Variants in VAV1 observed in about 807,000 individuals in gnomAD.
VAV1 encodes the protein proto-oncogene vav.
In VAV1, 33 loss-of-function variants were observed where a neutral mutation model predicts 128.1. That is an observed-to-expected ratio of 0.26 (90% CI 0.20 to 0.34). The LOEUF (loss-of-function observed/expected upper bound fraction) is 0.34, where lower values mean the gene tolerates loss of function less well. VAV1 is among the 10% of genes least tolerant of loss of function. VAV1 has a pLI of 1.00. For synonymous variants in VAV1, 394 were observed against 409.8 expected (o/e 0.96, Z 0.47); for missense variants, 715 against 1,093.7 (o/e 0.65, Z 4.88).
intron 1 of VAV1, among the ~76,000 whole-genome samples, chr19:6,774,911 T>C (rs912830501): frequency 1.4e-5 from 2 of 146,930 alleles, no homozygotes; most frequent in Admixed American, 6.8e-5. Context: ...CACATCACCA[T>C]GCCTGCCTAA....
At chr19:6,796,289 A>G (rs1417237179) in intron 1 of VAV1, among the ~76,000 whole-genome samples, 2 of 152,104 alleles carry the variant, frequency 1.3e-5, no homozygotes, top group African/African-American at 4.8e-5. Context: ...AAGGCTTCAA[A>G]ATCATTTATT....
At position 6,779,658 on chromosome 19, in the gene VAV1, A is replaced by G. The variant is rs79049322; in HGVS notation, c.204+6647A>G. Among the ~76,000 whole-genome samples, 1,346 of 149,084 alleles carry G rather than the reference A, an allele frequency of 9.0e-3. 29 individuals carry two copies. The highest frequency in any genetic ancestry group is 0.031 in the African/African-American group (1,292 of 41,186). On this transcript the variant is annotated intron_variant, in intron 1 of 26. Coordinates refer to ENST00000602142, the MANE Select transcript of VAV1 (RefSeq NM_005428.4). ...GGAGGATTGCTTGGGTACAGGAGTT[A>G]GAGGCCAGCCTGGGCAACAGAGTGT... is the stretch of plus-strand genomic sequence containing the variant.
chr19:6,790,730 G>T (rs1267087496), intron 1 of VAV1, among the ~76,000 whole-genome samples: 1 of 152,240 alleles, frequency 6.6e-6, no homozygotes, highest in African/African-American at 2.4e-5. Flanking sequence ...CAGAGTAGCA[G>T]CTCAGAGGCA....
Position 6,852,967 on chromosome 19 carries a change from G to A in VAV1, c.2220G>A (p.Glu740=). Residue 740 remains glutamate, a splice_region_variant and synonymous_variant, in exon 25 of 27, where the codon GAG becomes GAA. Coordinates refer to ENST00000602142, the MANE Select transcript of VAV1 (RefSeq NM_005428.4). ...CTGCCATGTGGTCCGCCTTCTAGGA[G>A]CTGGTGGAGTTTTACCAGCAGAACT... The part of the protein sequence containing the change: ...TEKKAFRGLT[E]LVEFYQQNSL... 1 of 1,608,806 alleles carries A rather than the reference G, an allele frequency of 6.2e-7. No homozygotes were observed. The highest frequency in any genetic ancestry group is 8.5e-7 in the Non-Finnish European group (1 of 1,176,656).
intron 1 of VAV1, among the ~76,000 whole-genome samples, chr19:6,778,627 C>G (rs532861266): frequency 2.0e-5 from 3 of 152,234 alleles, no homozygotes; most frequent in East Asian, 3.9e-4. Flanking sequence ...CCCAGCTACC[C>G]GAGAGGCTAA....
chr19:6,841,635 C>T (rs999572981), intron 21 of VAV1, among the ~76,000 whole-genome samples: 8 of 151,674 alleles, frequency 5.3e-5, no homozygotes, highest in African/African-American at 7.3e-5. Context: ...TCACCACGCC[C>T]GGCTAATTTT....
At chr19:6,856,730 G>GAAAAAAAAAAAAAAAAAAAAA (rs1222535432) in intron 26 of VAV1, among the ~76,000 whole-genome samples, 3 of 68,824 alleles carry the variant, frequency 4.4e-5, no homozygotes, top group East Asian at 4.9e-4. Context: ...TCTCAAAAAA[G>GAAAAAAAAAAAAAAAAAAAAA]AAAAAAAAAA....
intron 1 of VAV1, among the ~76,000 whole-genome samples, chr19:6,798,761 C>A (rs1971198227): frequency 6.6e-6 from 1 of 152,068 alleles, no homozygotes; most frequent in Admixed American, 6.6e-5. Context: ...TCCTCCTACC[C>A]TAGCCTCCTG....
rs1402601391 is a variant in VAV1, at chr19:6,780,137, A to AATAATAATG, written c.204+7134_204+7135insGATAATAAT. On this transcript the variant is annotated intron_variant, in intron 1 of 26. Coordinates refer to ENST00000602142, the MANE Select transcript of VAV1 (RefSeq NM_005428.4). ...AAATAATAATAATAATAATAATAAT[A>AATAATAATG]ATAATAATAATAATAATAATAACCT... Among the ~76,000 whole-genome samples, 4 of 144,574 alleles carry AATAATAATG rather than the reference A, an allele frequency of 2.8e-5. No homozygotes were observed. The East Asian group carries it at 7.8e-4, about 28-fold the overall frequency. The allele number at this position is 144,574 out of a possible 152,430, so 94.8% of individuals were successfully genotyped here.
chr19:6,845,366 C>T (rs1378820644), intron 22 of VAV1, among the ~76,000 whole-genome samples: 1 of 152,070 alleles, frequency 6.6e-6, no homozygotes, highest in Non-Finnish European at 1.5e-5. Context: ...GCCTGGGCAA[C>T]AGAGCGAGAC....
intron 1 of VAV1, among the ~76,000 whole-genome samples, chr19:6,811,636 G>A (rs1378055370): frequency 6.6e-6 from 1 of 152,118 alleles, no homozygotes; most frequent in African/African-American, 2.4e-5. Context: ...GGAACTTTTA[G>A]CCCAGACAGC....
chr19:6,814,732 C>CTTTTT (rs1555701472), intron 1 of VAV1, among the ~76,000 whole-genome samples: 1 of 129,950 alleles, frequency 7.7e-6, no homozygotes. Flanking sequence ...TTCTTTCTTT[C>CTTTTT]CTTTTTCCCT....
intron 1 of VAV1, among the ~76,000 whole-genome samples, chr19:6,796,872 T>C (rs911901610): frequency 1.3e-5 from 2 of 152,194 alleles, no homozygotes; most frequent in Admixed American, 1.3e-4. Context: ...CAGAGATGCT[T>C]ATCTCTTTGG....
At chr19:6,797,980 A>G (rs1971176620) in intron 1 of VAV1, among the ~76,000 whole-genome samples, 1 of 151,838 alleles carries the variant, frequency 6.6e-6, no homozygotes, top group Admixed American at 6.6e-5. Context: ...AGTAAATTAC[A>G]TATTTAAAAT....
In VAV1 at chr19:6,833,590, T is replaced by C; in HGVS notation, c.1673T>C (p.Leu558Pro). ...RCRASAHKEC[L>P]GRVPPCGRHG... ...CGGGCATCTGCACACAAGGAGTGTC[T>C]GGGGAGGGTCCCTCCATGTGGCCGA... is the stretch of plus-strand genomic sequence containing the variant. The change falls in exon 17 of 27, where the codon CTG (leucine) becomes CCG (proline). Residue 558 changes from leucine to proline, a missense_variant. Around this residue, in one of 3 missense-constraint regions of VAV1, gnomAD observed 407 missense variants for 580.6 expected, o/e 0.70. Transcript: ENST00000602142. 6.2e-7 allele frequency: 1 copy of C among 1,613,764 alleles called. No homozygotes were observed. Among genetic ancestry groups the C allele is most frequent in the Non-Finnish European group, 8.5e-7 (1 of 1,179,784 alleles).
At chr19:6,792,427 T>C (rs1971037372) in intron 1 of VAV1, among the ~76,000 whole-genome samples, 4 of 151,628 alleles carry the variant, frequency 2.6e-5, no homozygotes, top group African/African-American at 9.7e-5. Flanking sequence ...GTGTCTAGGT[T>C]TACAGCTTAG....
intron 3 of VAV1, 32 bp from the exon 4 acceptor site, chr19:6,821,759 G>A: frequency 6.2e-7 from 1 of 1,613,606 alleles, no homozygotes; most frequent in Non-Finnish European, 8.5e-7. Context: ...CCAGCCCCCA[G>A]GCCCCTGGCT....
chr19:6,776,077 TATCCATCC>T lies in VAV1; in HGVS notation c.204+3106_204+3113del, dbSNP rs56806852. 8.7e-3 allele frequency among the ~76,000 whole-genome samples: 1,124 copies of T among 129,244 alleles called. 12 individuals carry two copies. The highest frequency in any genetic ancestry group is 0.027 in the African/African-American group (906 of 33,272). The allele number at this position is 129,244 out of a possible 152,430, so 84.8% of individuals were successfully genotyped here. ...CCATCTACCCATCCATCCATCCATT[TATCCATCC>T]ATCCATCCATCCATCCATCCATCCA... On this transcript the variant is annotated intron_variant, in intron 1 of 26. Transcript: ENST00000602142.
intron 1 of VAV1, among the ~76,000 whole-genome samples, chr19:6,798,558 T>C (rs1432743751): frequency 2.6e-5 from 4 of 152,168 alleles, no homozygotes; most frequent in Admixed American, 1.3e-4. Flanking sequence ...GAGGCTGAGA[T>C]GGGAGGATCA....
Sources: allele counts gnomAD v4.1 joint callset (sites outside exome capture counted in the v4.1 genomes callset), GRCh38; gene constraint gnomAD v4.1.1; regional missense constraint gnomAD v4.1.1; transcripts MANE v1.5; gene names NCBI Gene and HGNC (gene_info 2026-07-23, HGNC 2026-07-21).